TUSC3: variants seen among roughly 807,000 people sequenced by gnomAD.
TUSC3 encodes the protein dolichyl-diphosphooligosaccharide--protein glycosyltransferase subunit TUSC3.
TUSC3 carries 45 observed loss-of-function variants against 44.8 expected under a neutral mutation model. The observed-to-expected ratio is 1.00, with a 90% CI of 0.79 to 1.29. The LOEUF is 1.29. TUSC3 is among the 50% of genes most tolerant of loss of function. TUSC3 has a pLI of 0.00. For missense variants in TUSC3, 519 were observed against 437.9 expected, an observed-to-expected ratio of 1.19 and a Z score of -1.65; for synonymous variants, 212 against 152.9, an observed-to-expected ratio of 1.39 and a Z score of -2.85.
chr8:15,552,390 C>T (rs1197298230), intron 1 of TUSC3, among the ~76,000 whole-genome samples: 1 of 151,648 alleles, frequency 6.6e-6, no homozygotes, highest in African/African-American at 2.4e-5. Context: ...CCGGATATAT[C>T]CTACTGCTCA....
At chr8:15,800,115 T>C in the TUSC3 span, among the ~76,000 whole-genome samples, 4 of 152,318 alleles carry the variant, frequency 2.6e-5, no homozygotes, top group East Asian at 5.8e-4. Flanking sequence ...GGGGAGACAC[T>C]ACCTCTATAT....
chr8:15,464,101 C>T (rs534314604), intron 1 of TUSC3, among the ~76,000 whole-genome samples: 1 of 152,286 alleles, frequency 6.6e-6, no homozygotes, highest in East Asian at 1.9e-4. Flanking sequence ...GTCTAGTCAA[C>T]TGGAGCATGG....
intron 1 of TUSC3, among the ~76,000 whole-genome samples, chr8:15,436,011 G>A (rs532945800): frequency 6.6e-6 from 1 of 152,166 alleles, no homozygotes. Flanking sequence ...GTTGACTGGG[G>A]CTGCAGTTAT....
At chr8:15,550,999 C>G (rs1025961508) in intron 1 of TUSC3, among the ~76,000 whole-genome samples, 1 of 151,666 alleles carries the variant, frequency 6.6e-6, no homozygotes, top group African/African-American at 2.4e-5. Flanking sequence ...TGTAAAAATT[C>G]TAGATAAATA....
At chr8:15,745,482 T>TAATC (rs1047663162) in intron 8 of TUSC3, among the ~76,000 whole-genome samples, 1 of 152,122 alleles carries the variant, frequency 6.6e-6, no homozygotes, top group African/African-American at 2.4e-5. Flanking sequence ...TTTTTGACTC[T>TAATC]AATCATAGCC....
chr8:15,630,228 G>A (rs1805699361), intron 2 of TUSC3, among the ~76,000 whole-genome samples: 1 of 152,056 alleles, frequency 6.6e-6, no homozygotes, highest in South Asian at 2.1e-4. Flanking sequence ...AATCAAGCAG[G>A]TTGCCTGTAT....
chr8:15,504,610 TATATATATATA>T (rs1414974707), intron 2 of TUSC3, among the ~76,000 whole-genome samples: 117 of 31,130 alleles, frequency 3.8e-3, no homozygotes, highest in African/African-American at 9.5e-3. Flanking sequence ...TATATATATA[TATATATATATA>T]TTTTTTTTTT....
At chr8:15,621,780 T>TAA (rs71543653) in intron 1 of TUSC3, among the ~76,000 whole-genome samples, 40 of 147,942 alleles carry the variant, frequency 2.7e-4, no homozygotes, top group African/African-American at 4.7e-4. Context: ...TTGGGTCTTT[T>TAA]AAAAAAAAAA....
At chr8:15,800,345 G>A in the TUSC3 span, among the ~76,000 whole-genome samples, 1 of 152,118 alleles carries the variant, frequency 6.6e-6, no homozygotes, top group Non-Finnish European at 1.5e-5. Flanking sequence ...GGCTAAGGTG[G>A]GCAGATTGCT....
At chr8:15,636,725 C>G (rs1439490035) in intron 2 of TUSC3, among the ~76,000 whole-genome samples, 1 of 152,162 alleles carries the variant, frequency 6.6e-6, no homozygotes, top group Non-Finnish European at 1.5e-5. Flanking sequence ...GGTTTGTGGG[C>G]TAGTCTATAT....
At chr8:15,683,163 T>A (rs771610859) in intron 6 of TUSC3, among the ~76,000 whole-genome samples, 9 of 152,188 alleles carry the variant, frequency 5.9e-5, no homozygotes, top group Non-Finnish European at 1.0e-4. Context: ...TTGCAGGGAA[T>A]CTCTGCATTT....
intron 6 of TUSC3, among the ~76,000 whole-genome samples, chr8:15,710,509 G>A (rs2129199402): frequency 7.0e-6 from 1 of 143,660 alleles, no homozygotes. Flanking sequence ...TTCATTGAAT[G>A]GGCCACAAAT....
At chr8:15,606,410 T>A (rs1443690418) in intron 1 of TUSC3, among the ~76,000 whole-genome samples, 6 of 152,056 alleles carry the variant, frequency 3.9e-5, no homozygotes, top group African/African-American at 1.4e-4. Context: ...GCAGTAAGCT[T>A]TTAGTAGTCA....
At chr8:15,825,821 T>C in the TUSC3 span, among the ~76,000 whole-genome samples, 1 of 152,098 alleles carries the variant, frequency 6.6e-6, no homozygotes, top group African/African-American at 2.4e-5. Context: ...GTTAATTCTC[T>C]TAACTGTATG....
chr8:15,613,399 G>A (rs1393597806), intron 1 of TUSC3, among the ~76,000 whole-genome samples: 1 of 152,072 alleles, frequency 6.6e-6, no homozygotes, highest in Non-Finnish European at 1.5e-5. Flanking sequence ...TGAAGAAAAG[G>A]AAAAGAAATT....
intron 2 of TUSC3, among the ~76,000 whole-genome samples, chr8:15,504,873 C>G (rs1185216454): frequency 2.0e-5 from 3 of 151,452 alleles, no homozygotes; most frequent in Non-Finnish European, 4.4e-5. Flanking sequence ...AGGATGGTCT[C>G]CATCTCCTAA....
chr8:15,464,100 A>C (rs1327420251), intron 1 of TUSC3, among the ~76,000 whole-genome samples: 1 of 152,216 alleles, frequency 6.6e-6, no homozygotes, highest in Non-Finnish European at 1.5e-5. Context: ...AGTCTAGTCA[A>C]CTGGAGCATG....
chr8:15,598,435 G>T (rs1804154709), intron 1 of TUSC3, among the ~76,000 whole-genome samples: 1 of 151,790 alleles, frequency 6.6e-6, no homozygotes, highest in African/African-American at 2.4e-5. Flanking sequence ...TGGTACATTT[G>T]TTAAAATTCA....
intron 2 of TUSC3, among the ~76,000 whole-genome samples, chr8:15,522,049 C>G (rs917397086): frequency 1.3e-5 from 2 of 152,216 alleles, no homozygotes; most frequent in East Asian, 1.9e-4. Flanking sequence ...GCCTCTGATT[C>G]TTTCCTCAAT....
Sources: gnomAD v4.1 joint callset for allele counts (sites outside exome capture counted in the v4.1 genomes callset) on GRCh38, gnomAD v4.1.1 for gene constraint, MANE v1.5 for transcripts, NCBI Gene and HGNC (gene_info 2026-07-23, HGNC 2026-07-21) for gene names.